Variants in NKAIN2 observed in about 807,000 individuals in gnomAD.
The protein encoded by NKAIN2 is sodium/potassium-transporting ATPase subunit beta-1-interacting protein 2.
A neutral mutation model predicts 32.6 loss-of-function variants in NKAIN2; 14 were observed. The observed-to-expected ratio is 0.43, with a 90% CI of 0.28 to 0.67. The LOEUF is 0.67. NKAIN2 is among the 30% of genes least tolerant of loss of function. The probability of loss-of-function intolerance (pLI) is 0.17; values close to 1 mark genes in which losing one functional copy is unlikely to be tolerated. For missense variants in NKAIN2, 198 were observed against 258.3 expected (o/e 0.77, Z 1.60); for synonymous variants, 80 against 87.2 (o/e 0.92, Z 0.46).
intron 3 of NKAIN2, among the ~76,000 whole-genome samples, chr6:124,417,386 T>C (rs773192843): frequency 3.9e-5 from 6 of 152,138 alleles, no homozygotes; most frequent in Non-Finnish European, 5.9e-5. Context: ...ATAAGTGTAG[T>C]TGAAGATAAA....
chr6:124,527,332 G>A (rs967246774), intron 3 of NKAIN2, among the ~76,000 whole-genome samples: 4 of 152,096 alleles, frequency 2.6e-5, no homozygotes, highest in African/African-American at 7.2e-5. Context: ...CTGCCATTAC[G>A]TTTTTATTTT....
chr6:124,486,641 A>C (rs566729321), intron 3 of NKAIN2, among the ~76,000 whole-genome samples: 1 of 152,280 alleles, frequency 6.6e-6, no homozygotes, highest in African/African-American at 2.4e-5. Flanking sequence ...ATGTTACTAC[A>C]ATCAGTAAGT....
chr6:124,083,241 A>C (rs1405036093), intron 1 of NKAIN2, among the ~76,000 whole-genome samples: 4 of 151,934 alleles, frequency 2.6e-5, no homozygotes, highest in African/African-American at 9.7e-5. Flanking sequence ...TAGTATACTC[A>C]TCTGTAAAAT....
intron 5 of NKAIN2, among the ~76,000 whole-genome samples, chr6:124,807,648 A>G (rs1228119461): frequency 1.3e-5 from 2 of 149,438 alleles, no homozygotes; most frequent in African/African-American, 4.9e-5. Flanking sequence ...TCAGAGCAGA[A>G]CTGAAGGAAA....
intron 4 of NKAIN2, among the ~76,000 whole-genome samples, chr6:124,715,916 A>G (rs1231103747): frequency 6.6e-6 from 1 of 152,184 alleles, no homozygotes; most frequent in Non-Finnish European, 1.5e-5. Flanking sequence ...AAATCACTCT[A>G]CTACATATTT....
At chr6:123,996,959 T>G (rs1285407690) in intron 1 of NKAIN2, among the ~76,000 whole-genome samples, 1 of 152,194 alleles carries the variant, frequency 6.6e-6, no homozygotes, top group Non-Finnish European at 1.5e-5. Context: ...GATATCATCA[T>G]TTGAAAGAGT....
chr6:124,342,930 A>T (rs1248350061), intron 2 of NKAIN2, among the ~76,000 whole-genome samples: 1 of 151,220 alleles, frequency 6.6e-6, no homozygotes, highest in African/African-American at 2.4e-5. Context: ...TGCTGCACCC[A>T]TTAACTCATC....
At chr6:123,897,763 G>A (rs1239758825) in intron 1 of NKAIN2, among the ~76,000 whole-genome samples, 1 of 152,086 alleles carries the variant, frequency 6.6e-6, no homozygotes, top group Non-Finnish European at 1.5e-5. Flanking sequence ...CTTGAATTAG[G>A]AATGAATGAA....
At chr6:124,805,066 G>A (rs1265067937) in intron 5 of NKAIN2, among the ~76,000 whole-genome samples, 1 of 152,186 alleles carries the variant, frequency 6.6e-6, no homozygotes, top group African/African-American at 2.4e-5. Flanking sequence ...CTGGGGGCAG[G>A]GCACAGACAA....
chr6:124,195,238 G>A (rs9491084), intron 1 of NKAIN2, among the ~76,000 whole-genome samples: 17,519 of 151,772 alleles, frequency 0.12, 2,407 homozygotes, highest in African/African-American at 0.33. Context: ...GAGTAAATCA[G>A]TTCTACATTA....
At chr6:124,287,577 G>A (rs1046509553) in intron 2 of NKAIN2, among the ~76,000 whole-genome samples, 1 of 152,106 alleles carries the variant, frequency 6.6e-6, no homozygotes, top group African/African-American at 2.4e-5. Flanking sequence ...GATGTTTTCA[G>A]GTCCAAGCAA....
chr6:124,150,478 C>T (rs1398780564), intron 1 of NKAIN2, among the ~76,000 whole-genome samples: 2 of 152,058 alleles, frequency 1.3e-5, no homozygotes, highest in East Asian at 1.9e-4. Flanking sequence ...TTGCCTTATA[C>T]ATTAATGATA....
chr6:124,260,896 A>G (rs1215993457), intron 1 of NKAIN2, among the ~76,000 whole-genome samples: 4 of 152,190 alleles, frequency 2.6e-5, no homozygotes, highest in Middle Eastern at 3.2e-3. Context: ...GTGAAATTCT[A>G]ACTTCTACAT....
At chr6:124,765,914 C>A (rs1218888906) in intron 4 of NKAIN2, among the ~76,000 whole-genome samples, 5 of 152,174 alleles carry the variant, frequency 3.3e-5, no homozygotes, top group African/African-American at 1.2e-4. Flanking sequence ...ATCTAGGGAA[C>A]AATACTTGAC....
At chr6:124,715,874 A>C (rs1222454259) in intron 4 of NKAIN2, among the ~76,000 whole-genome samples, 1 of 152,198 alleles carries the variant, frequency 6.6e-6, no homozygotes, top group Admixed American at 6.5e-5. Flanking sequence ...GCTAGAGTTA[A>C]GGAAATGTGG....
At chr6:124,089,355 C>T (rs1784324099) in intron 1 of NKAIN2, among the ~76,000 whole-genome samples, 1 of 151,710 alleles carries the variant, frequency 6.6e-6, no homozygotes, top group Non-Finnish European at 1.5e-5. Context: ...GCTAAGTTGA[C>T]ATCTGAGAAT....
At chr6:123,973,348 TGAA>T (rs1778422424) in intron 1 of NKAIN2, among the ~76,000 whole-genome samples, 1 of 152,064 alleles carries the variant, frequency 6.6e-6, no homozygotes, top group Admixed American at 6.6e-5. Flanking sequence ...TTTGGAGCTA[TGAA>T]GTGAATTTAG....
At chr6:124,539,736 T>A (rs1400897063) in intron 3 of NKAIN2, among the ~76,000 whole-genome samples, 1 of 152,232 alleles carries the variant, frequency 6.6e-6, no homozygotes, top group Non-Finnish European at 1.5e-5. Context: ...GTTTGTTTGT[T>A]TGGAGACAGA....
At chr6:124,566,276 C>T (rs1310948040) in intron 3 of NKAIN2, among the ~76,000 whole-genome samples, 1 of 152,236 alleles carries the variant, frequency 6.6e-6, no homozygotes, top group African/African-American at 2.4e-5. Flanking sequence ...AGATATTGGT[C>T]TACTTCCTGG....
Sources: gnomAD v4.1 joint callset for allele counts (sites outside exome capture counted in the v4.1 genomes callset) on GRCh38, gnomAD v4.1.1 for gene constraint, MANE v1.5 for transcripts, NCBI Gene and HGNC (gene_info 2026-07-23, HGNC 2026-07-21) for gene names.